GALNT13: variants seen among roughly 807,000 people sequenced by gnomAD.
GALNT13 encodes the protein polypeptide N-acetylgalactosaminyltransferase 13, also known as UDP-GalNAc:polypeptide N-acetylgalactosaminyltransferase 13.
In GALNT13, 28 loss-of-function variants were observed where a neutral mutation model predicts 64.2. The ratio of observed to expected loss-of-function variants is 0.44; its 90% confidence interval spans 0.32 to 0.60. The LOEUF (loss-of-function observed/expected upper bound fraction) is 0.60. Ranked by LOEUF, GALNT13 falls within the 20% of genes least tolerant of loss-of-function variation. The pLI, the probability that GALNT13 is intolerant of heterozygous loss-of-function variation, is 0.05. For missense variants in GALNT13, 577 were observed against 669.8 expected (o/e 0.86, Z 1.53); for synonymous variants, 214 against 224.6 (o/e 0.95, Z 0.42).
intron 3 of GALNT13, among the ~76,000 whole-genome samples, chr2:154,084,756 G>A (rs1157982016): frequency 2.0e-5 from 3 of 151,818 alleles, no homozygotes; most frequent in African/African-American, 7.3e-5. Context: ...CTTTCTGAAA[G>A]TTATTTTTTA....
At chr2:153,593,570 C>G in the GALNT13 span, among the ~76,000 whole-genome samples, 8 of 152,262 alleles carry the variant, frequency 5.3e-5, no homozygotes, top group East Asian at 1.5e-3. Context: ...CCAAGTACTT[C>G]CTATCTCAAC....
the GALNT13 span, among the ~76,000 whole-genome samples, chr2:153,112,002 T>A: frequency 6.6e-6 from 1 of 152,096 alleles, no homozygotes; most frequent in Non-Finnish European, 1.5e-5. Flanking sequence ...GGGATATGAA[T>A]TTACCCCCTC....
chr2:153,306,746 T>C, the GALNT13 span, among the ~76,000 whole-genome samples: 1 of 152,182 alleles, frequency 6.6e-6, no homozygotes, highest in Non-Finnish European at 1.5e-5. Flanking sequence ...CTTTATTCTC[T>C]CTCTCCCTTT....
At chr2:153,604,339 T>C in the GALNT13 span, among the ~76,000 whole-genome samples, 1 of 152,004 alleles carries the variant, frequency 6.6e-6, no homozygotes, top group East Asian at 1.9e-4. Context: ...ATCACAGGCA[T>C]GTGGAAATTT....
chr2:154,340,951 G>T (rs1361589798), intron 9 of GALNT13, among the ~76,000 whole-genome samples: 1 of 151,964 alleles, frequency 6.6e-6, no homozygotes, highest in Non-Finnish European at 1.5e-5. Flanking sequence ...CTGTATGTGT[G>T]TGTAGTATGT....
intron 9 of GALNT13, among the ~76,000 whole-genome samples, chr2:154,326,242 A>G (rs1178231882): frequency 6.6e-6 from 1 of 151,934 alleles, no homozygotes; most frequent in Non-Finnish European, 1.5e-5. Context: ...TAATAAATGC[A>G]CAGGTTTTTC....
the GALNT13 span, among the ~76,000 whole-genome samples, chr2:153,263,153 C>T: frequency 2.6e-5 from 4 of 151,814 alleles, no homozygotes; most frequent in African/African-American, 4.8e-5. Flanking sequence ...ACCCCAAAAA[C>T]AGACAAGCAG....
chr2:154,185,969 T>C (rs1194695533), intron 4 of GALNT13, among the ~76,000 whole-genome samples: 1 of 152,082 alleles, frequency 6.6e-6, no homozygotes, highest in Non-Finnish European at 1.5e-5. Flanking sequence ...ATTATTACAG[T>C]CTTCCAAATA....
chr2:154,056,262 ATT>A (rs1699887993), intron 3 of GALNT13, among the ~76,000 whole-genome samples: 2 of 152,292 alleles, frequency 1.3e-5, no homozygotes, highest in South Asian at 2.1e-4. Flanking sequence ...CCCTCAGTTT[ATT>A]TTTAAAAAAT....
intron 4 of GALNT13, among the ~76,000 whole-genome samples, chr2:154,194,603 A>G (rs998469296): frequency 2.6e-5 from 4 of 152,136 alleles, no homozygotes; most frequent in Non-Finnish European, 4.4e-5. Context: ...CTGCCCCTTT[A>G]GAGCACAGTT....
At chr2:153,385,867 G>A in the GALNT13 span, among the ~76,000 whole-genome samples, 2 of 150,808 alleles carry the variant, frequency 1.3e-5, no homozygotes, top group African/African-American at 4.9e-5. Context: ...AAAAATTAAA[G>A]ATAAAATAAA....
intron 1 of GALNT13, among the ~76,000 whole-genome samples, chr2:153,884,623 T>A (rs1687010501): frequency 6.6e-6 from 1 of 151,354 alleles, no homozygotes; most frequent in African/African-American, 2.4e-5. Context: ...TCTCTGAATG[T>A]CAGTTTCCTC....
At chr2:154,029,258 A>G (rs547849939) in intron 3 of GALNT13, among the ~76,000 whole-genome samples, 1 of 151,852 alleles carries the variant, frequency 6.6e-6, no homozygotes, top group Admixed American at 6.6e-5. Context: ...TAGCATAAGA[A>G]GTACAGGAAT....
chr2:153,151,423 G>A, the GALNT13 span, among the ~76,000 whole-genome samples: 35,776 of 151,958 alleles, frequency 0.24, 4,654 homozygotes, highest in African/African-American at 0.33. Context: ...TCAGTGTGGC[G>A]ATTCCTCAGG....
chr2:153,439,342 A>G, the GALNT13 span, among the ~76,000 whole-genome samples: 1 of 152,068 alleles, frequency 6.6e-6, no homozygotes, highest in East Asian at 1.9e-4. Context: ...ACTCTCTTCA[A>G]AGCTGTCAGA....
At chr2:154,202,823 C>G (rs1573867897) in intron 4 of GALNT13, among the ~76,000 whole-genome samples, 1 of 152,168 alleles carries the variant, frequency 6.6e-6, no homozygotes, top group East Asian at 1.9e-4. Flanking sequence ...TCGGTGATTC[C>G]AAGGTAACTG....
intron 4 of GALNT13, among the ~76,000 whole-genome samples, chr2:154,233,037 C>CAAAAAAAAAAAAAA (rs375484057): frequency 1.7e-5 from 1 of 59,068 alleles, no homozygotes; most frequent in South Asian, 6.9e-4. Context: ...GACCCTGTCT[C>CAAAAAAAAAAAAAA]AAAAAAAAAA....
chr2:154,039,896 T>C (rs1335543540), intron 3 of GALNT13, among the ~76,000 whole-genome samples: 1 of 140,306 alleles, frequency 7.1e-6, no homozygotes, highest in African/African-American at 2.4e-5. Flanking sequence ...TGTACAATTA[T>C]TATGTGTCAA....
intron 2 of GALNT13, among the ~76,000 whole-genome samples, chr2:153,911,175 C>T (rs1688912254): frequency 6.6e-6 from 1 of 151,798 alleles, no homozygotes; most frequent in Admixed American, 6.6e-5. Flanking sequence ...TATGTAATGC[C>T]CTCTTTTGAT....
Sources: allele counts gnomAD v4.1 joint callset (sites outside exome capture counted in the v4.1 genomes callset), GRCh38; gene constraint gnomAD v4.1.1; transcripts MANE v1.5; gene names NCBI Gene and HGNC (gene_info 2026-07-23, HGNC 2026-07-21).